CAMTA1: variants seen among roughly 807,000 people sequenced by gnomAD.
The protein encoded by CAMTA1 is calmodulin-binding transcription activator 1.
A neutral mutation model predicts 170.9 loss-of-function variants in CAMTA1; 27 were observed. That is an observed-to-expected ratio of 0.16 (90% confidence interval 0.12 to 0.22). The LOEUF (loss-of-function observed/expected upper bound fraction) is 0.22, where lower values mean the gene tolerates loss of function less well. Ranked by LOEUF, CAMTA1 falls within the 10% of genes least tolerant of loss-of-function variation. The pLI is 1.00. For missense variants in CAMTA1, 1,619 were observed against 2,217.2 expected (o/e 0.73, Z 5.42); for synonymous variants, 833 against 891.5 (o/e 0.93, Z 1.17).
intron 3 of CAMTA1, among the ~76,000 whole-genome samples, chr1:6,866,093 A>G (rs990780591): frequency 3.3e-5 from 5 of 152,300 alleles, no homozygotes; most frequent in Admixed American, 2.6e-4. Context: ...GAGAGAGGGT[A>G]TATGTTGGGA....
intron 3 of CAMTA1, among the ~76,000 whole-genome samples, chr1:6,919,639 A>C (rs1227278130): frequency 1.3e-5 from 2 of 152,152 alleles, no homozygotes; most frequent in Non-Finnish European, 2.9e-5. Context: ...CACACTGCTG[A>C]TAAAGACATA....
intron 6 of CAMTA1, among the ~76,000 whole-genome samples, chr1:7,492,205 G>A (rs375146191): frequency 4.4e-4 from 67 of 152,270 alleles, no homozygotes; most frequent in Admixed American, 1.2e-3. Context: ...TGCGAGGAAG[G>A]CCAGGGCGAT....
chr1:7,589,282 G>A (rs755467100), intron 6 of CAMTA1, among the ~76,000 whole-genome samples: 3 of 152,178 alleles, frequency 2.0e-5, no homozygotes, highest in Non-Finnish European at 4.4e-5. Context: ...CCCAAGTAGG[G>A]GTGGGTGTTG....
intron 4 of CAMTA1, among the ~76,000 whole-genome samples, chr1:7,182,488 C>G (rs931715239): frequency 4.2e-5 from 6 of 142,882 alleles, no homozygotes; most frequent in African/African-American, 1.5e-4. Context: ...AGTGAACACC[C>G]CATCTCAGAA....
intron 4 of CAMTA1, among the ~76,000 whole-genome samples, chr1:7,180,281 T>G (rs907033708): frequency 9.2e-5 from 14 of 151,864 alleles, no homozygotes; most frequent in African/African-American, 3.4e-4. Context: ...GCAGGAGAAT[T>G]GCTTGAACTC....
intron 8 of CAMTA1, among the ~76,000 whole-genome samples, chr1:7,663,126 G>A (rs1480222910): frequency 6.6e-6 from 1 of 152,220 alleles, no homozygotes; most frequent in African/African-American, 2.4e-5. Context: ...CTGATCTTTG[G>A]AGGAGGGTCA....
intron 4 of CAMTA1, among the ~76,000 whole-genome samples, chr1:7,155,393 G>GC (rs966724128): frequency 2.6e-5 from 4 of 151,828 alleles, no homozygotes; most frequent in African/African-American, 9.7e-5. Flanking sequence ...CCGTTGGGGG[G>GC]GGGATTGGGC....
At chr1:7,280,375 G>A (rs1474120770) in intron 5 of CAMTA1, among the ~76,000 whole-genome samples, 2 of 152,222 alleles carry the variant, frequency 1.3e-5, no homozygotes, top group Admixed American at 6.5e-5. Context: ...TGCTTATAGG[G>A]TAAGACCCTC....
chr1:7,514,046 G>C (rs1293905218), intron 6 of CAMTA1, among the ~76,000 whole-genome samples: 3 of 152,222 alleles, frequency 2.0e-5, no homozygotes, highest in South Asian at 4.1e-4. Flanking sequence ...TCAGCAATGA[G>C]CCTTTTTCAA....
chr1:7,527,924 A>G (rs2094448133), intron 6 of CAMTA1, among the ~76,000 whole-genome samples: 1 of 152,154 alleles, frequency 6.6e-6, no homozygotes, highest in Non-Finnish European at 1.5e-5. Context: ...CCAATGCTCT[A>G]GAGATCGCTC....
At chr1:7,517,845 G>A (rs1252694575) in intron 6 of CAMTA1, among the ~76,000 whole-genome samples, 1 of 151,926 alleles carries the variant, frequency 6.6e-6, no homozygotes, top group Non-Finnish European at 1.5e-5. Context: ...TTGAGCCAAG[G>A]TCCCTTAAAG....
intron 4 of CAMTA1, among the ~76,000 whole-genome samples, chr1:7,147,330 A>AGGAGAATGGCGTGAACCCGGGAGGT (rs1263441746): frequency 1.3e-5 from 2 of 151,776 alleles, no homozygotes; most frequent in African/African-American, 4.8e-5. Context: ...AGGCTGAGGC[A>AGGAGAATGGCGTGAACCCGGGAGGT]GGAGAATGGC....
chr1:7,138,710 A>G (rs540083389), intron 4 of CAMTA1, among the ~76,000 whole-genome samples: 19 of 152,156 alleles, frequency 1.2e-4, no homozygotes, highest in Middle Eastern at 3.2e-3. Context: ...TATACTGAAG[A>G]TCTGCTGGGC....
chr1:6,889,975 G>A (rs1167258178), intron 3 of CAMTA1, among the ~76,000 whole-genome samples: 1 of 152,160 alleles, frequency 6.6e-6, no homozygotes, highest in Admixed American at 6.5e-5. Context: ...TACATAGTTA[G>A]CACTTCATTG....
intron 3 of CAMTA1, among the ~76,000 whole-genome samples, chr1:7,060,783 G>C (rs1383814925): frequency 6.6e-6 from 1 of 152,214 alleles, no homozygotes; most frequent in African/African-American, 2.4e-5. Flanking sequence ...ATAAGACAAG[G>C]CTTCTGCATT....
At chr1:6,846,333 TG>T (rs1207364757) in intron 3 of CAMTA1, among the ~76,000 whole-genome samples, 3 of 152,266 alleles carry the variant, frequency 2.0e-5, no homozygotes, top group Admixed American at 2.0e-4. Flanking sequence ...CTCAAACTAT[TG>T]GAAAATGCCC....
At chr1:7,549,914 A>G (rs543374967) in intron 6 of CAMTA1, among the ~76,000 whole-genome samples, 1 of 152,260 alleles carries the variant, frequency 6.6e-6, no homozygotes, top group African/African-American at 2.4e-5. Flanking sequence ...GCCCCATCTC[A>G]GAGACCACAG....
intron 22 of CAMTA1, among the ~76,000 whole-genome samples, chr1:7,762,574 A>G (rs2096984093): frequency 6.6e-6 from 1 of 152,210 alleles, no homozygotes; most frequent in Admixed American, 6.5e-5. Context: ...CATCCTAATA[A>G]TCTACTCTCA....
rs942163810 is a variant in CAMTA1 at position 7,641,461 on chromosome 1, G to T, written c.664+908G>T. ...TGTTGGTCACCATATACAGCGGGGG[G>T]ACTGAAATATTCTTTCTGCGGCTGG... On this transcript the variant is annotated intron_variant, in intron 7 of 22. Coordinates refer to ENST00000303635, the MANE Select transcript of CAMTA1 (RefSeq NM_015215.4). This position sits in a 1 kb window ranked among gnomAD's most constrained non-coding sequence, Gnocchi z 4.5. Among the ~76,000 whole-genome samples, 2 of 152,158 alleles carry T rather than the reference G, an allele frequency of 1.3e-5. No individual in the cohort carries two copies. Among genetic ancestry groups the T allele is most frequent in the South Asian group, 4.1e-4 (2 of 4,830 alleles).
Sources: gnomAD v4.1 joint callset for allele counts (sites outside exome capture counted in the v4.1 genomes callset) on GRCh38, gnomAD v4.1.1 for gene constraint, Gnocchi (gnomAD v3.1) non-coding constraint, MANE v1.5 for transcripts, NCBI Gene and HGNC (gene_info 2026-07-23, HGNC 2026-07-21) for gene names.